PTPRN2: variants seen among roughly 807,000 people sequenced by gnomAD.
PTPRN2 encodes the protein protein tyrosine phosphatase receptor type N2, also known as receptor-type tyrosine-protein phosphatase N2.
A neutral mutation model predicts 118.8 loss-of-function variants in PTPRN2; 74 were observed. The ratio of observed to expected loss-of-function variants is 0.62; its 90% CI spans 0.52 to 0.76. The LOEUF (loss-of-function observed/expected upper bound fraction) is 0.76, where lower values mean the gene tolerates loss of function less well. Among genes scored for constraint, PTPRN2 ranks in the 30% least tolerant of loss-of-function variants. PTPRN2 has a pLI of 0.00. For synonymous variants in PTPRN2, 641 were observed against 608.0 expected (o/e 1.05, Z -0.80); for missense variants, 1,481 against 1,394.4 (o/e 1.06, Z -0.99).
In PTPRN2 at chr7:158,140,761, C is replaced by T. The variant is rs139615230; in HGVS notation, c.911-2246G>A. Among the ~76,000 whole-genome samples the T allele has an allele frequency of 3.5e-4, 54 of 152,330 alleles. 1 individual carries two copies. Among genetic ancestry groups the T allele is most frequent in the Middle Eastern group, 3.4e-3 (1 of 294 alleles). ...GTTCCAGGCCCACATGCGTCCAACG[C>T]GTCATCGTGTCCACCTGCGGTCTGC... On this transcript the variant is annotated intron_variant, in intron 6 of 22. Transcript: ENST00000389418.
chr7:158,056,011 G>A (rs10224619), intron 11 of PTPRN2, among the ~76,000 whole-genome samples: 50,971 of 152,058 alleles, frequency 0.34, 9,431 homozygotes, highest in African/African-American at 0.5. Context: ...CTGCCTGTGG[G>A]TGGAGTCCGG....
At chr7:158,414,109 A>G (rs1814432791) in intron 2 of PTPRN2, among the ~76,000 whole-genome samples, 1 of 149,216 alleles carries the variant, frequency 6.7e-6, no homozygotes, top group African/African-American at 2.5e-5. Flanking sequence ...GGGGATTCCT[A>G]GTGTTCCAGC....
At chr7:158,075,891 C>T (rs767021786) in intron 11 of PTPRN2, among the ~76,000 whole-genome samples, 13 of 152,206 alleles carry the variant, frequency 8.5e-5, no homozygotes, top group African/African-American at 1.2e-4. Context: ...CCATGGAGGA[C>T]GTGACACAGC....
chr7:158,162,076 T>C (rs6970249), intron 6 of PTPRN2, among the ~76,000 whole-genome samples: 31,491 of 151,940 alleles, frequency 0.21, 3,924 homozygotes, highest in African/African-American at 0.34. Context: ...CCCAGAACAT[T>C]GACAACACCC....
At chr7:157,548,857 A>T (rs1381214672) in intron 22 of PTPRN2, 89 bp downstream of exon 22, 2 of 1,278,630 alleles carry the variant, frequency 1.6e-6, no homozygotes, top group African/African-American at 3.2e-5. Flanking sequence ...CTCACATTAA[A>T]CCAGGCCCTC....
At chr7:158,319,612 T>TAC (rs1802715423) in intron 2 of PTPRN2, among the ~76,000 whole-genome samples, 1 of 4,664 alleles carries the variant, frequency 2.1e-4, no homozygotes, top group Admixed American at 2.4e-3. Context: ...GCCTCCCTTG[T>TAC]ACACACACAG....
rs989684554 is a variant in PTPRN2 at position 158,526,096 on chromosome 7, A to G, written c.113-36311T>C. On this transcript the variant is annotated intron_variant, in intron 1 of 22. Transcript: ENST00000389418. The surrounding 1 kb of genome is among the most constrained non-coding windows in gnomAD (Gnocchi z 5.2). ...GTGTGGGAAGGGGGACTATCTGCCCAGTCCCTGAGGAGATGATGACTTCCT... is the reference window on the plus strand; with the variant it reads ...GTGTGGGAAGGGGGACTATCTGCCCGGTCCCTGAGGAGATGATGACTTCCT... Among the ~76,000 whole-genome samples the G allele has an allele frequency of 1.5e-4, 23 of 152,308 alleles. No individual in the cohort carries two copies. Among genetic ancestry groups the G allele is most frequent in the Admixed American group, 1.2e-3 (19 of 15,304 alleles).
At chr7:158,415,529 C>T (rs984141663) in intron 2 of PTPRN2, among the ~76,000 whole-genome samples, 1 of 152,166 alleles carries the variant, frequency 6.6e-6, no homozygotes, top group Non-Finnish European at 1.5e-5. Context: ...GCCTGCTTAC[C>T]AGACTTATCT....
chr7:158,171,810 A>G (rs1483478708), intron 5 of PTPRN2, among the ~76,000 whole-genome samples: 2 of 152,202 alleles, frequency 1.3e-5, no homozygotes, highest in African/African-American at 2.4e-5. Context: ...TCAGTTCAAC[A>G]TACCAATGAA....
chr7:158,268,666 T>A (rs1202461234), intron 3 of PTPRN2, among the ~76,000 whole-genome samples: 1 of 124,826 alleles, frequency 8.0e-6, no homozygotes, highest in African/African-American at 3.2e-5. Flanking sequence ...GTGTGAAATA[T>A]CCCAGCCGTG....
At chr7:157,675,368 C>CG (rs1796615968) in intron 13 of PTPRN2, among the ~76,000 whole-genome samples, 1 of 152,184 alleles carries the variant, frequency 6.6e-6, no homozygotes, top group African/African-American at 2.4e-5. Flanking sequence ...GCACCAAGAC[C>CG]TGACCTTACC....
chr7:158,587,046 CCCAGAGCCTGGGGGTGTCGCGCTGGAA>C (rs1216076651), intron 1 of PTPRN2, among the ~76,000 whole-genome samples: 1 of 152,038 alleles, frequency 6.6e-6, no homozygotes, highest in East Asian at 1.9e-4. Flanking sequence ...GGGCTTGAGA[CCCAGAGCCTGGGGGTGTCGCGCTGGAA>C]CCCCGAGACC....
rs1249118130 is a variant in PTPRN2 at position 157,622,505 on chromosome 7, G to A, written c.2197-996C>T. 6.6e-6 allele frequency among the ~76,000 whole-genome samples: 1 copy of A among 152,124 alleles called. No homozygotes were observed. Among genetic ancestry groups the A allele is most frequent in the Non-Finnish European group, 1.5e-5 (1 of 68,022 alleles). On this transcript the variant is annotated intron_variant, in intron 14 of 22. Transcript: ENST00000389418. The surrounding 1 kb of genome is among the most constrained non-coding windows in gnomAD (Gnocchi z 5.3). The stretch of plus-strand genomic sequence containing the variant: ...CCACTGGGGCCCGTTCCAGGAGACA[G>A]GTAGAGAAAGAGACACAGAGGGAGG...
At chr7:157,798,697 G>A (rs1805032671) in intron 12 of PTPRN2, among the ~76,000 whole-genome samples, 2 of 152,192 alleles carry the variant, frequency 1.3e-5, no homozygotes, top group Non-Finnish European at 2.9e-5. Flanking sequence ...AGAACTTTAT[G>A]TTCGTTTTAT....
intron 3 of PTPRN2, among the ~76,000 whole-genome samples, chr7:158,311,464 A>T (rs920824768): frequency 4.7e-4 from 72 of 151,662 alleles, no homozygotes; most frequent in African/African-American, 1.3e-3. Flanking sequence ...AAATGTATTT[A>T]AAAAAAAATC....
intron 1 of PTPRN2, among the ~76,000 whole-genome samples, chr7:158,537,973 A>C (rs1264601195): frequency 6.6e-6 from 1 of 152,240 alleles, no homozygotes; most frequent in African/African-American, 2.4e-5. Context: ...AATGCTGAAA[A>C]GCCATCACTT....
At chr7:158,070,361 C>T (rs1445496112) in intron 11 of PTPRN2, among the ~76,000 whole-genome samples, 1 of 104,046 alleles carries the variant, frequency 9.6e-6, no homozygotes, top group African/African-American at 4.1e-5. Context: ...GGAGGTGCCC[C>T]TGGTGGTGGA....
At chr7:157,976,580 A>G (rs4716859) in intron 11 of PTPRN2, among the ~76,000 whole-genome samples, 99,879 of 151,104 alleles carry the variant, frequency 0.66, 33,605 homozygotes, top group East Asian at 0.74. Flanking sequence ...ATAGTCACGC[A>G]TGTGCCTGTG....
chr7:158,499,808 T>G (rs1226912268), intron 1 of PTPRN2, among the ~76,000 whole-genome samples: 1 of 136,790 alleles, frequency 7.3e-6, no homozygotes, highest in Non-Finnish European at 1.5e-5. Context: ...TGTGTGTGTG[T>G]ATATATATAT....
Sources: gnomAD v4.1 joint callset for allele counts (sites outside exome capture counted in the v4.1 genomes callset) on GRCh38, gnomAD v4.1.1 for gene constraint, Gnocchi (gnomAD v3.1) non-coding constraint, MANE v1.5 for transcripts, NCBI Gene and HGNC (gene_info 2026-07-23, HGNC 2026-07-21) for gene names.